Variants in GABRA2 observed in about 807,000 individuals in gnomAD.
The protein encoded by GABRA2 is gamma-aminobutyric acid type A receptor subunit alpha2.
A neutral mutation model predicts 48.7 loss-of-function variants in GABRA2; 16 were observed. That is an observed-to-expected ratio of 0.33 (90% CI 0.22 to 0.50). The LOEUF (loss-of-function observed/expected upper bound fraction) is 0.50. Ranked by LOEUF, GABRA2 falls within the 20% of genes least tolerant of loss-of-function variation. GABRA2 has a pLI of 0.98. For missense variants in GABRA2, 275 were observed against 535.6 expected, an observed-to-expected ratio of 0.51 and a Z score of 4.80; for synonymous variants, 185 against 184.5, an observed-to-expected ratio of 1.00 and a Z score of -0.02.
intron 3 of GABRA2, among the ~76,000 whole-genome samples, chr4:46,370,545 G>A (rs993073363): frequency 6.6e-6 from 1 of 152,084 alleles, no homozygotes; most frequent in Non-Finnish European, 1.5e-5. Flanking sequence ...TGTAGAGCAA[G>A]ATTTAGAAAC....
At chr4:46,258,272 G>A (rs1716251857) in intron 9 of GABRA2, among the ~76,000 whole-genome samples, 1 of 151,798 alleles carries the variant, frequency 6.6e-6, no homozygotes, top group South Asian at 2.1e-4. Flanking sequence ...AATGGTCATT[G>A]TCATGATCAG....
chr4:46,306,471 T>C (rs941621216), intron 6 of GABRA2, among the ~76,000 whole-genome samples: 2 of 152,144 alleles, frequency 1.3e-5, no homozygotes, highest in Non-Finnish European at 2.9e-5. Context: ...ACATATCTGG[T>C]CTTAGCCTTT....
rs758433355 is a variant in GABRA2 at position 46,388,614 on chromosome 4, T to A, written c.71+22A>T. ...ACATCTTTGCCCTGAATTAAAATAG[T>A]CAAATACAATAAATATCTCACCTGG... On this transcript the variant is annotated intron_variant, in intron 2 of 9. Transcript: ENST00000381620. 4 of 1,613,576 alleles carry A rather than the reference T, an allele frequency of 2.5e-6. No individual in the cohort carries two copies. The East Asian group carries it at 8.9e-5, about 36-fold the overall frequency.
At chr4:46,316,183 A>G (rs1728526168) in intron 4 of GABRA2, among the ~76,000 whole-genome samples, 1 of 152,048 alleles carries the variant, frequency 6.6e-6, no homozygotes, top group Admixed American at 6.6e-5. Context: ...TCTTATTTAT[A>G]ATTTGTCACC....
In GABRA2 at chr4:46,351,231, C is replaced by A. The variant is rs146329209; in HGVS notation, c.188-18549G>T. ...AGTTTACTTAGAAAGAAAATAGATG[C>A]AGCATAGGGTTTGGAGCTCAAAGTG... On this transcript the variant is annotated intron_variant, in intron 3 of 9. Coordinates refer to ENST00000381620, the MANE Select transcript of GABRA2 (RefSeq NM_000807.4). Among the ~76,000 whole-genome samples, 358 of 151,752 alleles carry A rather than the reference C, an allele frequency of 2.4e-3. 4 individuals are homozygous for A. The highest frequency in any genetic ancestry group is 8.5e-3 in the African/African-American group (351 of 41,402).
intron 5 of GABRA2, among the ~76,000 whole-genome samples, chr4:46,311,975 T>G (rs1727720721): frequency 6.6e-6 from 1 of 152,262 alleles, no homozygotes; most frequent in Middle Eastern, 3.4e-3. Flanking sequence ...GGCACGTGCC[T>G]GTAGTATCAG....
intron 3 of GABRA2, among the ~76,000 whole-genome samples, chr4:46,354,139 T>C (rs1735598338): frequency 6.6e-6 from 1 of 152,196 alleles, no homozygotes; most frequent in African/African-American, 2.4e-5. Context: ...TGAGGTAAGG[T>C]ATTACTCCTC....
intron 6 of GABRA2, 42 bp from the exon 7 acceptor site, chr4:46,305,753 A>G (rs1332241290): frequency 6.9e-7 from 1 of 1,451,236 alleles, no homozygotes; most frequent in Non-Finnish European, 9.6e-7. Context: ...TTTTAGTAAG[A>G]ACCATCAATC....
chr4:46,297,024 A>T (rs1328669225), intron 8 of GABRA2, among the ~76,000 whole-genome samples: 1 of 152,060 alleles, frequency 6.6e-6, no homozygotes, highest in East Asian at 1.9e-4. Context: ...TATTGTCTTT[A>T]TTTGAAGACT....
chr4:46,244,599 C>T lies in GABRA2; in HGVS notation c.*5709G>A, dbSNP rs749652716. The stretch of plus-strand genomic sequence containing the variant: ...TATTTGATGAAATCAATACATAATC[C>T]TTGAAGCCCAATGGGATTAAATGTT... On this transcript the variant is annotated 3_prime_UTR_variant, in exon 10 of 10. Transcript: ENST00000381620. 1.7e-4 allele frequency among the ~76,000 whole-genome samples: 26 copies of T among 151,366 alleles called. No homozygotes were observed. The highest frequency in any genetic ancestry group is 1.6e-4 in the Non-Finnish European group (11 of 67,608).
rs1027310630 is a variant in GABRA2 at position 46,250,249 on chromosome 4, T to C, written c.*59A>G. 2.2e-5 allele frequency: 32 copies of C among 1,437,194 alleles called. No individual in the cohort carries two copies. The African/African-American group carries it at 3.7e-4, about 17-fold the overall frequency. 89.0% of individuals were successfully genotyped at this position (1,437,194 alleles called of 1,614,324 possible). ...TAGCAGTTATTAGTCAGACTGTACA[T>C]AGCAAAACAAACCAAATTTAATGTT... On this transcript the variant is annotated 3_prime_UTR_variant, in exon 10 of 10. Transcript: ENST00000381620.
At chr4:46,357,749 C>T (rs1479978022) in intron 3 of GABRA2, among the ~76,000 whole-genome samples, 1 of 148,262 alleles carries the variant, frequency 6.7e-6, no homozygotes, top group African/African-American at 2.5e-5. Flanking sequence ...CAACCTCTGT[C>T]TCCCAGGTTC....
intron 9 of GABRA2, chr4:46,256,341 T>C: frequency 1.5e-6 from 1 of 686,644 alleles, no homozygotes; most frequent in Non-Finnish European, 2.7e-6. Context: ...GAGTTGTATG[T>C]TAATGTAATG....
At chr4:46,327,485 G>A (rs771394883) in intron 4 of GABRA2, among the ~76,000 whole-genome samples, 1 of 151,932 alleles carries the variant, frequency 6.6e-6, no homozygotes, top group Non-Finnish European at 1.5e-5. Context: ...CTACATGCTG[G>A]CTTTAAAGGG....
intron 3 of GABRA2, among the ~76,000 whole-genome samples, chr4:46,356,200 C>G (rs745545061): frequency 2.0e-5 from 3 of 152,142 alleles, no homozygotes; most frequent in Non-Finnish European, 4.4e-5. Flanking sequence ...TGCTGGACAT[C>G]TCGGAAAATC....
chr4:46,303,703 A>G, intron 7 of GABRA2, 91 bp from the exon 8 acceptor site: 1 of 1,135,762 alleles, frequency 8.8e-7, no homozygotes, highest in Non-Finnish European at 1.3e-6. Flanking sequence ...ACAAAAACTG[A>G]TTTTTTAAAA....
intron 4 of GABRA2, among the ~76,000 whole-genome samples, chr4:46,314,193 CGTAA>C (rs1354970042): frequency 1.3e-5 from 2 of 152,058 alleles, no homozygotes; most frequent in Non-Finnish European, 2.9e-5. Flanking sequence ...GCAAGTTTCA[CGTAA>C]GTATTTCTTT....
chr4:46,347,653 T>C (rs1310924909), intron 3 of GABRA2, among the ~76,000 whole-genome samples: 2 of 151,796 alleles, frequency 1.3e-5, no homozygotes, highest in Non-Finnish European at 2.9e-5. Context: ...GATTAAAACA[T>C]AAGGGAAAGC....
intron 4 of GABRA2, among the ~76,000 whole-genome samples, chr4:46,313,481 A>G (rs907227477): frequency 6.6e-6 from 1 of 152,042 alleles, no homozygotes; most frequent in African/African-American, 2.4e-5. Flanking sequence ...TCATGTTAAA[A>G]TGTACTTTAA....
Sources: allele counts gnomAD v4.1 joint callset (sites outside exome capture counted in the v4.1 genomes callset), GRCh38; gene constraint gnomAD v4.1.1; transcripts MANE v1.5; gene names NCBI Gene and HGNC (gene_info 2026-07-23, HGNC 2026-07-21).